ZNF266: variants seen among roughly 807,000 people sequenced by gnomAD.
ZNF266 encodes zinc finger protein 266.
ZNF266 carries 16 observed loss-of-function variants against 16.4 expected under a neutral mutation model. That is an observed-to-expected ratio of 0.98 (90% CI 0.66 to 1.48). ZNF266 has a LOEUF of 1.48. Among genes scored for constraint, ZNF266 ranks in the 40% most tolerant of loss-of-function variants. ZNF266 has a pLI of 0.00. For missense variants in ZNF266, 738 were observed against 689.1 expected, an observed-to-expected ratio of 1.07 and a Z score of -0.79; for synonymous variants, 262 against 237.9, an observed-to-expected ratio of 1.10 and a Z score of -0.93.
At chr19:9,418,658 G>T in intron 7 of ZNF266, 27 bp from the exon 8 acceptor site, 1 of 1,160,906 alleles carries the variant, frequency 8.6e-7, no homozygotes, top group Non-Finnish European at 1.3e-6. Flanking sequence ...ATGCTGGCTT[G>T]AGCCACAAAA....
chr19:9,430,181 G>T (rs551039717), intron 5 of ZNF266, among the ~76,000 whole-genome samples: 15 of 152,246 alleles, frequency 9.9e-5, no homozygotes, highest in African/African-American at 3.6e-4. Context: ...TGGTTTCCCA[G>T]GGATGTGGAA....
At position 9,413,253 on chromosome 19, in the gene ZNF266, C is replaced by A; in HGVS notation, c.*22G>T. ...CATGTCTTCAGAGAGAACAGGGACA[C>A]CTTTAGGTTTTCCCACATTCCTTAT... is the stretch of plus-strand genomic sequence containing the variant. On this transcript the variant is annotated 3_prime_UTR_variant, in exon 11 of 11. Coordinates refer to ENST00000592904, the MANE Select transcript of ZNF266 (RefSeq NM_001370374.1). The A allele has an allele frequency of 5.8e-6, 9 of 1,552,094 alleles. No homozygotes were observed. The highest frequency in any genetic ancestry group is 1.4e-5 in the African/African-American group (1 of 73,014).
At chr19:9,425,440 G>T (rs1290239422) in intron 5 of ZNF266, among the ~76,000 whole-genome samples, 3 of 152,158 alleles carry the variant, frequency 2.0e-5, no homozygotes, top group Non-Finnish European at 2.9e-5. Flanking sequence ...TCCCGGTCTG[G>T]GTAGGGCTAG....
At chr19:9,430,047 G>A (rs1190146670) in intron 5 of ZNF266, among the ~76,000 whole-genome samples, 2 of 111,658 alleles carry the variant, frequency 1.8e-5, no homozygotes, top group Admixed American at 1.5e-4. Flanking sequence ...CTAACTGCCT[G>A]TTTTTCCTTC....
In ZNF266 at chr19:9,433,657, A is replaced by G. The variant is rs936970760; in HGVS notation, c.-130+11T>C. On this transcript the variant is annotated intron_variant, in intron 5 of 10. Coordinates refer to ENST00000592904, the MANE Select transcript of ZNF266 (RefSeq NM_001370374.1). ...TCCCTTGATTTACATCATTTGTCAG[A>G]TATCACTTACTTTGGCCAGGCACAG... 1 of 152,094 alleles carries G rather than the reference A, an allele frequency of 6.6e-6. No individual in the cohort carries two copies. The highest frequency in any genetic ancestry group is 2.4e-5 in the African/African-American group (1 of 41,416). The allele number at this position is 152,094 out of a possible 1,614,324, so 9.4% of individuals were successfully genotyped here.
chr19:9,416,349 CTTGTTTTTGT>C (rs2068976330), intron 9 of ZNF266, among the ~76,000 whole-genome samples: 1 of 145,404 alleles, frequency 6.9e-6, no homozygotes, highest in African/African-American at 2.6e-5. Flanking sequence ...AAACAAGGAG[CTTGTTTTTGT>C]TTTTTGTTTT....
At chr19:9,434,653 C>T (rs1296229995) in intron 3 of ZNF266, 145 bp downstream of exon 3, 4 of 152,094 alleles carry the variant, frequency 2.6e-5, no homozygotes, top group African/African-American at 9.7e-5. Context: ...AGAACTGTAC[C>T]TTTTTACACA....
Position 9,414,117 on chromosome 19 carries a change from AT to A in ZNF266, c.1008del (p.Lys336AsnfsTer15), listed in dbSNP as rs773777169. 1 of 1,613,906 alleles carries A rather than the reference AT, an allele frequency of 6.2e-7. No individual in the cohort carries two copies. Among genetic ancestry groups the A allele is most frequent in the East Asian group, 2.2e-5 (1 of 44,868 alleles). On this transcript the variant is annotated frameshift_variant, in exon 11 of 11. Coordinates refer to ENST00000592904, the MANE Select transcript of ZNF266 (RefSeq NM_001370374.1). LOFTEE classifies it low-confidence loss of function (END_TRUNC). ...GTGAAGGCTCTCCCACAATCCTTAC[AT>A]TTATAAGGTTTCTCTCCAGTGTGAG... Reference protein sequence around the residue: ...RKTHTGEKPYKCKDCGRAFTV... With the variant: ...RKTHTGEKPYXCKDCGRAFTV...
chr19:9,418,280 A>G (rs2122946811), intron 8 of ZNF266, among the ~76,000 whole-genome samples: 1 of 152,338 alleles, frequency 6.6e-6, no homozygotes, highest in South Asian at 2.1e-4. Flanking sequence ...CTCACTGAGT[A>G]TGTCAAAGGT....
rs556400748 is a variant in ZNF266, at chr19:9,432,107, C to A, written c.-130+1561G>T. ...AGTGGCTGGGATTACAGGCACCCAC[C>A]ACCATGCCCGGCTAATTTTTGTATT... On this transcript the variant is annotated intron_variant, in intron 5 of 10. Coordinates refer to ENST00000592904, the MANE Select transcript of ZNF266 (RefSeq NM_001370374.1). 2.0e-4 allele frequency among the ~76,000 whole-genome samples: 29 copies of A among 147,196 alleles called. No individual in the cohort carries two copies. In the East Asian group the frequency reaches 2.4e-3, roughly 12 times the overall value.
At chr19:9,414,978 T>C (rs528965439) in intron 10 of ZNF266, among the ~76,000 whole-genome samples, 1 of 152,296 alleles carries the variant, frequency 6.6e-6, no homozygotes, top group Admixed American at 6.5e-5. Context: ...GTTACAAATG[T>C]GTACTTGAGG....
chr19:9,422,447 C>G (rs900358438), intron 5 of ZNF266, among the ~76,000 whole-genome samples: 2 of 152,198 alleles, frequency 1.3e-5, no homozygotes, highest in South Asian at 2.1e-4. Flanking sequence ...ATGCATTGAA[C>G]TACTCAAAGA....
chr19:9,414,050 C>G lies in ZNF266; in HGVS notation c.1076G>C (p.Gly359Ala). 6.2e-7 allele frequency: 1 copy of G among 1,614,054 alleles called. No individual in the cohort carries two copies. The highest frequency in any genetic ancestry group is 1.1e-5 in the South Asian group (1 of 91,078). ...TTCCTTGCATTCATAAGGCTTCTCA[C>G]CCACATGGATTTTCATATGTTGACT... is the stretch of plus-strand genomic sequence containing the variant. ...CLSQHMKIHV[G>A]EKPYECKECG... The change falls in exon 11 of 11, where the codon GGT becomes GCT. Residue 359 changes from glycine (G) to alanine (A), a missense_variant. Gly to Ala is a moderately conservative substitution (Grantham distance 60). Transcript: ENST00000592904.
Position 9,417,922 on chromosome 19 carries a change from AAGAT to A in ZNF266, c.236-18_236-15del. 6.2e-7 allele frequency: 1 copy of A among 1,612,768 alleles called. No individual in the cohort carries two copies. The highest frequency in any genetic ancestry group is 8.5e-7 in the Non-Finnish European group (1 of 1,178,842). The stretch of plus-strand genomic sequence containing the variant: ...AGAGCTGATATCCTGTGCACAAAGA[AAGAT>A]ACATTACCAGAAGAGGCTCATGCAA... On this transcript the variant is annotated splice_polypyrimidine_tract_variant and intron_variant, in intron 8 of 10. Transcript: ENST00000592904.
intron 10 of ZNF266, 75 bp from the exon 11 acceptor site, chr19:9,414,795 G>A: frequency 1.4e-6 from 2 of 1,418,312 alleles, no homozygotes; most frequent in Non-Finnish European, 9.4e-7. Flanking sequence ...CTGAAGAGAG[G>A]AACACTGTGA....
chr19:9,419,488 TAGTC>T (rs2069526437), intron 6 of ZNF266, 189 bp from the exon 7 acceptor site: 1 of 152,240 alleles, frequency 6.6e-6, no homozygotes, highest in Admixed American at 6.6e-5. Flanking sequence ...AAAAAAAGGA[TAGTC>T]AGCCATGCTG....
intron 5 of ZNF266, among the ~76,000 whole-genome samples, chr19:9,431,355 G>A (rs2071560156): frequency 6.6e-6 from 1 of 152,114 alleles, no homozygotes; most frequent in African/African-American, 2.4e-5. Context: ...CACTAGCAGA[G>A]GCACCCTCTG....
intron 3 of ZNF266, 49 bp from the exon 4 acceptor site, chr19:9,434,284 A>G (rs994563906): frequency 2.6e-5 from 4 of 152,216 alleles, no homozygotes; most frequent in Admixed American, 2.6e-4. Flanking sequence ...TACTTTACTT[A>G]CAGACCTTCA....
intron 5 of ZNF266, among the ~76,000 whole-genome samples, chr19:9,429,800 T>C (rs984465073): frequency 6.6e-6 from 1 of 152,206 alleles, no homozygotes; most frequent in African/African-American, 2.4e-5. Flanking sequence ...TAGGAGTTAC[T>C]AAAATTAATG....
Sources: allele counts gnomAD v4.1 joint callset (sites outside exome capture counted in the v4.1 genomes callset), GRCh38; gene constraint gnomAD v4.1.1; transcripts MANE v1.5; gene names NCBI Gene and HGNC (gene_info 2026-07-23, HGNC 2026-07-21).